The following OLFML2B variants were observed in gnomAD, a reference collection of about 807,000 sequenced individuals.
The protein encoded by OLFML2B is olfactomedin like 2B, also known as olfactomedin-like protein 2B.
A neutral mutation model predicts 74.9 loss-of-function variants in OLFML2B; 57 were observed. That is an observed-to-expected ratio of 0.76 (90% CI 0.61 to 0.95). The LOEUF (loss-of-function observed/expected upper bound fraction) is 0.95, where lower values mean the gene tolerates loss of function less well. Ranked by LOEUF, OLFML2B falls within the 40% of genes least tolerant of loss-of-function variation. OLFML2B has a pLI of 0.00. For missense variants in OLFML2B, 986 were observed against 970.6 expected (o/e 1.02, Z -0.21); for synonymous variants, 388 against 405.8 (o/e 0.96, Z 0.53).
chr1:161,993,741 GTTC>G (rs1384861437), intron 6 of OLFML2B, among the ~76,000 whole-genome samples: 1 of 152,162 alleles, frequency 6.6e-6, no homozygotes, highest in Non-Finnish European at 1.5e-5. Context: ...TGCCTGGAGA[GTTC>G]TTCTCTGCCC....
chr1:161,997,994 C>G lies in OLFML2B; in HGVS notation c.1305G>C (p.Pro435=), dbSNP rs758041341. The change falls in exon 6 of 8, where the codon CCG becomes CCC. Residue 435 remains proline (P), a synonymous_variant. Coordinates refer to ENST00000294794, the MANE Select transcript of OLFML2B (RefSeq NM_015441.3). ...TCAATGCCTCCCTGGGAGACACTGC[C>G]GGAGGAGCTGGGGCTGCTGGTTGCT... ...ATQQPAAPAP[P]AVSPREALME... The G allele has an allele frequency of 5.0e-6, 8 of 1,614,160 alleles. No homozygotes were observed. The South Asian group carries it at 8.8e-5, about 18-fold the overall frequency.
intron 3 of OLFML2B, among the ~76,000 whole-genome samples, chr1:162,014,660 CCAGA>C (rs1212665195): frequency 1.3e-5 from 2 of 152,182 alleles, no homozygotes; most frequent in African/African-American, 2.4e-5. Context: ...ACTGCAGACT[CCAGA>C]CAGTCAGCTG....
At chr1:162,004,182 C>T (rs1229991473) in intron 4 of OLFML2B, among the ~76,000 whole-genome samples, 1 of 152,138 alleles carries the variant, frequency 6.6e-6, no homozygotes, top group Non-Finnish European at 1.5e-5. Flanking sequence ...AGCTGAGCCA[C>T]CGATGCCAGG....
intron 6 of OLFML2B, among the ~76,000 whole-genome samples, chr1:161,994,262 C>T (rs1189970449): frequency 2.6e-5 from 4 of 152,242 alleles, no homozygotes; most frequent in Non-Finnish European, 4.4e-5. Context: ...ACGTCAGCAT[C>T]GCCTTCCTTG....
chr1:161,999,213 C>T (rs1412868971), intron 5 of OLFML2B, among the ~76,000 whole-genome samples: 2 of 152,188 alleles, frequency 1.3e-5, no homozygotes, highest in East Asian at 3.9e-4. Flanking sequence ...GCTCTAACCA[C>T]AAAAGAAATA....
Position 161,984,042 on chromosome 1 carries a change from A to G in OLFML2B, c.1886T>C (p.Leu629Pro). The change falls in exon 8 of 8, where the codon CTA (leucine) becomes CCA (proline). Residue 629 changes from leucine to proline, a missense_variant. Leu to Pro is a moderately conservative substitution (Grantham distance 98). Coordinates refer to ENST00000294794, the MANE Select transcript of OLFML2B (RefSeq NM_015441.3). ...DVDFAVDENG[L>P]WLIYPALDDE... ...GTCCAGGGCCGGGTAGATGAGCCATAGGCCATTCTCGTCCACAGCAAAGTC... is the reference window on the plus strand; with the variant it reads ...GTCCAGGGCCGGGTAGATGAGCCATGGGCCATTCTCGTCCACAGCAAAGTC... 6.2e-7 allele frequency: 1 copy of G among 1,614,192 alleles called. No homozygotes were observed. Among genetic ancestry groups the G allele is most frequent in the Non-Finnish European group, 8.5e-7 (1 of 1,180,028 alleles).
Position 161,997,986 on chromosome 1 carries a change from G to GAC in OLFML2B, c.1311_1312dup (p.Ser438CysfsTer7). On this transcript the variant is annotated frameshift_variant, in exon 6 of 8. Transcript: ENST00000294794. LOFTEE classifies it high-confidence loss of function. ...AGCTTCCATCAATGCCTCCCTGGGA[G>GAC]ACACTGCCGGAGGAGCTGGGGCTGC... 1 of 1,614,208 alleles carries GAC rather than the reference G, an allele frequency of 6.2e-7. No individual in the cohort carries two copies. The highest frequency in any genetic ancestry group is 8.5e-7 in the Non-Finnish European group (1 of 1,180,036).
At position 162,023,340 on chromosome 1, in the gene OLFML2B, G is replaced by A; in HGVS notation, c.91C>T (p.Pro31Ser). The A allele has an allele frequency of 6.2e-7, 1 of 1,607,416 alleles. No homozygotes were observed. The highest frequency in any genetic ancestry group is 8.5e-7 in the Non-Finnish European group (1 of 1,175,870). Residue 31 changes from proline to serine, a missense_variant, in exon 1 of 8, where the codon CCC (proline) becomes TCC (serine). Coordinates refer to ENST00000294794, the MANE Select transcript of OLFML2B (RefSeq NM_015441.3). ...GGCGCCACTGTCTGCGCATCTGGGG[G>A]CTCGCTTGTCCCTGTGAGGACAATG... is the stretch of plus-strand genomic sequence containing the variant. Reference protein sequence around the residue: ...SSIVLTGTSEPPDAQTVAPAE... With the variant: ...SSIVLTGTSESPDAQTVAPAE...
chr1:161,999,262 A>G (rs997612341), intron 5 of OLFML2B, among the ~76,000 whole-genome samples: 8 of 152,246 alleles, frequency 5.3e-5, no homozygotes, highest in Non-Finnish European at 1.0e-4. Flanking sequence ...CAAAAACACC[A>G]TTAAGGAACT....
Position 162,023,759 on chromosome 1 carries a change from A to G in OLFML2B, c.-329T>C, listed in dbSNP as rs114746071. ...GCTCAGGTGGCTGGAAGGCGTTCGG[A>G]CAGACGCCCGCGGTGCGCGCCGGGA... On this transcript the variant is annotated 5_prime_UTR_variant, in exon 1 of 8. Transcript: ENST00000294794. 0.027 allele frequency: 4,880 copies of G among 182,942 alleles called. 91 individuals carry two copies. The highest frequency in any genetic ancestry group is 0.047 in the African/African-American group (2,008 of 42,716). 11.3% of individuals were successfully genotyped at this position (182,942 alleles called of 1,614,324 possible).
intron 4 of OLFML2B, among the ~76,000 whole-genome samples, chr1:162,001,160 C>T (rs925078198): frequency 2.6e-5 from 4 of 152,174 alleles, no homozygotes; most frequent in African/African-American, 9.7e-5. Context: ...TTCAGGTCCC[C>T]AAGGAAATAC....
At chr1:161,998,505 T>TG (rs1689990730) in intron 5 of OLFML2B, among the ~76,000 whole-genome samples, 156 bp from the exon 6 acceptor site, 2 of 151,938 alleles carry the variant, frequency 1.3e-5, no homozygotes, top group Admixed American at 1.3e-4. Flanking sequence ...TGGAAGAAGG[T>TG]GTACAGGAGC....
intron 6 of OLFML2B, among the ~76,000 whole-genome samples, chr1:161,993,041 C>T (rs12568584): frequency 0.055 from 8,364 of 152,040 alleles, 392 homozygotes; most frequent in African/African-American, 0.12. Context: ...TCTTTACTTA[C>T]AATAGCATGG....
At chr1:161,987,355 T>C (rs1689618161) in intron 6 of OLFML2B, among the ~76,000 whole-genome samples, 1 of 151,900 alleles carries the variant, frequency 6.6e-6, no homozygotes, top group Non-Finnish European at 1.5e-5. Flanking sequence ...AAAAAAATCC[T>C]GAGATGGGGA....
At chr1:162,016,835 A>G (rs1690556283) in intron 3 of OLFML2B, among the ~76,000 whole-genome samples, 1 of 152,238 alleles carries the variant, frequency 6.6e-6, no homozygotes, top group African/African-American at 2.4e-5. Flanking sequence ...GCCCAGTCAG[A>G]ATAGTATGGT....
At chr1:162,010,905 T>C (rs192753342) in intron 3 of OLFML2B, among the ~76,000 whole-genome samples, 1 of 151,688 alleles carries the variant, frequency 6.6e-6, no homozygotes, top group African/African-American at 2.4e-5. Flanking sequence ...GGCACAGAGA[T>C]GGATAAGGGG....
rs16835120 is a variant in OLFML2B at position 161,985,843 on chromosome 1, C to T, written c.1475-863G>A. Among the ~76,000 whole-genome samples the T allele has an allele frequency of 0.013, 2,024 of 152,262 alleles. 104 individuals carry two copies. The East Asian group carries it at 0.19, about 14-fold the overall frequency. ...CCTCCTTCAGAGATCAAGTCGGCCA[C>T]GATGGGACAGGAACTCAGCAACGTC... On this transcript the variant is annotated intron_variant, in intron 6 of 7. Coordinates refer to ENST00000294794, the MANE Select transcript of OLFML2B (RefSeq NM_015441.3).
In OLFML2B at chr1:161,984,274, G is replaced by A. The variant is rs1449372777; in HGVS notation, c.1654C>T (p.Arg552Cys). 3.3e-6 allele frequency: 5 copies of A among 1,518,390 alleles called. No homozygotes were observed. The highest frequency in any genetic ancestry group is 2.8e-5 in the African/African-American group (2 of 71,776). The allele number at this position is 1,518,390 out of a possible 1,614,324, so 94.1% of individuals were successfully genotyped here. Residue 552 changes from arginine to cysteine, a missense_variant and splice_region_variant, in exon 8 of 8, where the codon CGC (arginine) becomes TGC (cysteine). Transcript: ENST00000294794. Reference protein sequence around the residue: ...FRNLENFKQGRWSNSYKLPYS... With the variant: ...FRNLENFKQGCWSNSYKLPYS... The stretch of plus-strand genomic sequence containing the variant: ...GGGAGCTTGTAGGAATTGCTCCAGC[G>A]ACCTGCAGGTGGGGAGAAAACAGGA...
At chr1:161,994,390 C>T (rs181607254) in intron 6 of OLFML2B, among the ~76,000 whole-genome samples, 219 of 152,360 alleles carry the variant, frequency 1.4e-3, no homozygotes, top group Middle Eastern at 0.01. Flanking sequence ...GTGGGGGAGA[C>T]ATTCTTCATA....
Sources: allele counts gnomAD v4.1 joint callset (sites outside exome capture counted in the v4.1 genomes callset), GRCh38; gene constraint gnomAD v4.1.1; transcripts MANE v1.5; gene names NCBI Gene and HGNC (gene_info 2026-07-23, HGNC 2026-07-21).